Variants in UNC80 observed in about 807,000 individuals in gnomAD.
The protein encoded by UNC80 is unc-80 subunit of NALCN channel complex.
Under a neutral mutation model 384.6 loss-of-function variants are expected in UNC80, and 164 were observed. The ratio of observed to expected loss-of-function variants is 0.43; its 90% CI spans 0.38 to 0.49. UNC80 has a LOEUF of 0.49. UNC80 is among the 20% of genes least tolerant of loss of function. The probability of loss-of-function intolerance (pLI) is 0.00; values close to 1 mark genes in which losing one functional copy is unlikely to be tolerated. For missense variants in UNC80, 3,330 were observed against 4,143.0 expected (o/e 0.80, Z 5.39); for synonymous variants, 1,486 against 1,527.8 (o/e 0.97, Z 0.64).
rs34015244 is a variant in UNC80, at chr2:209,834,118, GA to G, written c.2897del (p.Lys966ArgfsTer118). 1 of 1,551,364 alleles carries G rather than the reference GA, an allele frequency of 6.4e-7. No homozygotes were observed. Among genetic ancestry groups the G allele is most frequent in the Non-Finnish European group, 8.7e-7 (1 of 1,146,820 alleles). On this transcript the variant is annotated frameshift_variant, in exon 17 of 65. Transcript: ENST00000673920. LOFTEE classifies it high-confidence loss of function. Reference protein sequence around the residue: ...LDSAEKLAPGKKVEENEQESK... With the variant: ...LDSAEKLAPGXKVEENEQESK... ...ACAGTGCCGAGAAGTTAGCACCAGG[GA>G]AAAAGGTGGAGGAGAATGAACAGGA... is the stretch of plus-strand genomic sequence containing the variant.
intron 59 of UNC80, among the ~76,000 whole-genome samples, chr2:209,979,782 A>C (rs1014044565): frequency 6.6e-6 from 1 of 152,238 alleles, no homozygotes; most frequent in Non-Finnish European, 1.5e-5. Context: ...TGTGTTGTCA[A>C]TGCCATATGA....
Position 209,777,360 on chromosome 2 carries a change from G to T in UNC80, c.401G>T (p.Gly134Val). 1.2e-6 allele frequency: 2 copies of T among 1,614,186 alleles called. No homozygotes were observed. Among genetic ancestry groups the T allele is most frequent in the Non-Finnish European group, 1.7e-6 (2 of 1,180,034 alleles). ...PQDCNNERFG[G>V]TDRGSSWGGS... Reference sequence around the variant, plus strand: ...GACTGCAACAATGAGCGGTTTGGGGGTACAGACCGAGGCTCCAGCTGGGGT... The same window carrying T: ...GACTGCAACAATGAGCGGTTTGGGGTTACAGACCGAGGCTCCAGCTGGGGT... The change falls in exon 4 of 65, where the codon GGT becomes GTT. Residue 134 changes from glycine to valine, a missense_variant. Gly to Val is a moderately radical substitution (Grantham distance 109). This residue lies in a region of UNC80 where 937 missense variants were observed against 1,026.8 expected (regional missense o/e 0.91). Transcript: ENST00000673920.
intron 38 of UNC80, among the ~76,000 whole-genome samples, chr2:209,932,156 A>G (rs2090929151): frequency 6.6e-6 from 1 of 152,154 alleles, no homozygotes; most frequent in Non-Finnish European, 1.5e-5. Context: ...ACTGTTTGCC[A>G]GGAGACTCAA....
rs1360941593 is a variant in UNC80 at position 209,839,466 on chromosome 2, T to C, written c.3250+36T>C. 1.3e-6 allele frequency: 2 copies of C among 1,549,426 alleles called. No individual in the cohort carries two copies. Among genetic ancestry groups the C allele is most frequent in the African/African-American group, 2.7e-5 (2 of 73,000 alleles). ...GTCTGTATTTGTTTATGGATTATCT[T>C]ATTACCAACCATGTCCTCAGATCAA... On this transcript the variant is annotated intron_variant, in intron 19 of 64. Coordinates refer to ENST00000673920, the MANE Select transcript of UNC80 (RefSeq NM_001371986.1). The surrounding 1 kb of genome is among the most constrained non-coding windows in gnomAD (Gnocchi z 4.1).
At chr2:209,773,970 A>G (rs1475749602) in intron 2 of UNC80, among the ~76,000 whole-genome samples, 1 of 152,254 alleles carries the variant, frequency 6.6e-6, no homozygotes, top group Admixed American at 6.5e-5. Flanking sequence ...GAAATCATGA[A>G]GCAAAATTGA....
Position 209,813,764 on chromosome 2 carries a change from A to T in UNC80, c.1123A>T (p.Ile375Phe), listed in dbSNP as rs1451286666. Residue 375 changes from isoleucine (I) to phenylalanine (F), a missense_variant, in exon 8 of 65, where the codon ATT becomes TTT. Ile to Phe is a conservative substitution (Grantham distance 21). Coordinates refer to ENST00000673920, the MANE Select transcript of UNC80 (RefSeq NM_001371986.1). The stretch of plus-strand genomic sequence containing the variant: ...GCCAGAAAAGCCTCCGGAGCCAGAT[A>T]TTCCTCTCCTGCCCAGACCCAGGAG... ...EKPEKPPEPD[I>F]PLLPRPRSSS... is the part of the protein sequence containing the mutation. 6.4e-7 allele frequency: 1 copy of T among 1,551,996 alleles called. No homozygotes were observed. The highest frequency in any genetic ancestry group is 1.2e-5 in the South Asian group (1 of 84,060).
intron 30 of UNC80, among the ~76,000 whole-genome samples, chr2:209,913,052 T>C (rs966175919): frequency 1.3e-5 from 2 of 152,198 alleles, no homozygotes; most frequent in African/African-American, 4.8e-5. Flanking sequence ...TTTCTCTTGA[T>C]CTTAGTCACC....
Position 209,993,457 on chromosome 2 carries a change from C to A in UNC80, c.9508+31C>A, listed in dbSNP as rs1033900019. On this transcript the variant is annotated intron_variant, in intron 63 of 64. Transcript: ENST00000673920. ...GCCTCCTGTGTCCCTTCTGACTATA[C>A]CATTGACATGATGCCATGCAACTCA... is the stretch of plus-strand genomic sequence containing the variant. 4.3e-5 allele frequency: 66 copies of A among 1,527,046 alleles called. No homozygotes were observed. In the African/African-American group the frequency reaches 8.8e-4, roughly 20 times the overall value. 94.6% of individuals were successfully genotyped at this position (1,527,046 alleles called of 1,614,324 possible). A position where few individuals can be genotyped will look rare whatever the true frequency, so the allele number is the denominator to read the frequency against.
At chr2:209,853,745 A>G (rs182118634) in intron 22 of UNC80, among the ~76,000 whole-genome samples, 147 of 152,290 alleles carry the variant, frequency 9.7e-4, no homozygotes, top group Non-Finnish European at 1.9e-3. Context: ...TTGAATTTGT[A>G]ACATGCACAA....
At chr2:209,823,760 A>T (rs2080307209) in intron 13 of UNC80, among the ~76,000 whole-genome samples, 1 of 152,086 alleles carries the variant, frequency 6.6e-6, no homozygotes, top group African/African-American at 2.4e-5. Flanking sequence ...CAACTCTATG[A>T]AATAGATATT....
Position 209,872,888 on chromosome 2 carries a change from G to C in UNC80, c.3758G>C (p.Arg1253Pro). ...HVNITKKGLS[R>P]GRSPIVGNKR... ...AACATCACCAAGAAAGGACTTTCCC[G>C]GGGACGCTCTCCCATTGTGGGCAAC... The change falls in exon 23 of 65, where the codon CGG becomes CCG. Residue 1253 changes from arginine to proline, a missense_variant. Coordinates refer to ENST00000673920, the MANE Select transcript of UNC80 (RefSeq NM_001371986.1). This position sits in a 1 kb window ranked among gnomAD's most constrained non-coding sequence, Gnocchi z 4.1. 6.4e-7 allele frequency: 1 copy of C among 1,551,476 alleles called. No individual in the cohort carries two copies.
chr2:209,943,166 A>G (rs2091735402), intron 44 of UNC80, among the ~76,000 whole-genome samples: 1 of 152,124 alleles, frequency 6.6e-6, no homozygotes, highest in South Asian at 2.1e-4. Context: ...CTAGTCACAA[A>G]CTTCCTGGAA....
In UNC80 at chr2:209,777,391, C is replaced by T; in HGVS notation, c.432C>T (p.Ser144=). ...GTDRGSSWGG[S]SSAFIHQVEN... Reference sequence around the variant, plus strand: ...ACCGAGGCTCCAGCTGGGGTGGAAGCAGCAGTGCTTTCATCCACCAGGTTG... The same window carrying T: ...ACCGAGGCTCCAGCTGGGGTGGAAGTAGCAGTGCTTTCATCCACCAGGTTG... The change falls in exon 4 of 65, where the codon AGC becomes AGT. Residue 144 remains serine (S), a synonymous_variant. Coordinates refer to ENST00000673920, the MANE Select transcript of UNC80 (RefSeq NM_001371986.1). The T allele has an allele frequency of 6.2e-7, 1 of 1,614,168 alleles. No homozygotes were observed. The highest frequency in any genetic ancestry group is 8.5e-7 in the Non-Finnish European group (1 of 1,180,030).
chr2:209,978,382 C>A, intron 58 of UNC80, 147 bp from the exon 59 acceptor site: 1 of 615,890 alleles, frequency 1.6e-6, no homozygotes, highest in Non-Finnish European at 2.5e-6. Context: ...TCCCCACTTT[C>A]ATTTGCAACT....
intron 23 of UNC80, among the ~76,000 whole-genome samples, chr2:209,873,977 ATGTGTGTG>A (rs3032480): frequency 6.7e-6 from 1 of 150,258 alleles, no homozygotes; most frequent in African/African-American, 2.4e-5. Context: ...ACACGTATGT[ATGTGTGTG>A]TGTGTGTGTG....
At chr2:209,919,145 A>G (rs761131699) in intron 33 of UNC80, among the ~76,000 whole-genome samples, 6 of 152,194 alleles carry the variant, frequency 3.9e-5, no homozygotes, top group Non-Finnish European at 7.3e-5. Context: ...TATTACTGCT[A>G]TATGTAATAT....
chr2:209,819,162 C>G lies in UNC80; in HGVS notation c.1863C>G (p.Ser621Arg), dbSNP rs1397929695. 1 of 1,552,188 alleles carries G rather than the reference C, an allele frequency of 6.4e-7. No individual in the cohort carries two copies. ...EPLACANLPR[S>R]LTDSCINYSY... ...TGGCATGTGCTAACCTACCTCGAAGCCTCACAGACTCCTGCATAAACTACA... is the reference window on the plus strand; with the variant it reads ...TGGCATGTGCTAACCTACCTCGAAGGCTCACAGACTCCTGCATAAACTACA... Residue 621 changes from serine (S) to arginine (R), a missense_variant, in exon 12 of 65, where the codon AGC (serine) becomes AGG (arginine). By Grantham distance (110) the Ser-to-Arg change is moderately radical (BLOSUM62 -1). Coordinates refer to ENST00000673920, the MANE Select transcript of UNC80 (RefSeq NM_001371986.1).
At chr2:209,826,356 T>C (rs573949474) in intron 14 of UNC80, among the ~76,000 whole-genome samples, 1 of 152,332 alleles carries the variant, frequency 6.6e-6, no homozygotes, top group East Asian at 1.9e-4. Flanking sequence ...TTTGCACAGA[T>C]GAATACATTT....
At chr2:209,934,110 C>T (rs1440244531) in intron 39 of UNC80, 105 bp downstream of exon 39, 1 of 1,141,072 alleles carries the variant, frequency 8.8e-7, no homozygotes, top group East Asian at 2.6e-5. Context: ...TTTCAGAGTT[C>T]TAACCCCCAG....
Sources: gnomAD v4.1 joint callset for allele counts (sites outside exome capture counted in the v4.1 genomes callset) on GRCh38, gnomAD v4.1.1 for gene constraint, gnomAD v4.1.1 regional missense constraint, Gnocchi (gnomAD v3.1) non-coding constraint, MANE v1.5 for transcripts, NCBI Gene and HGNC (gene_info 2026-07-23, HGNC 2026-07-21) for gene names.